Variants in DPY19L2 observed in about 807,000 individuals in gnomAD.
DPY19L2 encodes dpy-19 like 2.
Under a neutral mutation model 97.9 loss-of-function variants are expected in DPY19L2, and 34 were observed. That is an observed-to-expected ratio of 0.35 (90% CI 0.26 to 0.46). The LOEUF (loss-of-function observed/expected upper bound fraction) is 0.46, where lower values mean the gene tolerates loss of function less well. Ranked by LOEUF, DPY19L2 falls within the 20% of genes least tolerant of loss-of-function variation. The pLI is 1.00. For synonymous variants in DPY19L2, 230 were observed against 307.9 expected (o/e 0.75, Z 2.65); for missense variants, 623 against 911.4 (o/e 0.68, Z 4.07).
intron 18 of DPY19L2, among the ~76,000 whole-genome samples, chr12:63,582,041 T>C (rs2137372317): frequency 6.6e-6 from 1 of 151,528 alleles, no homozygotes; most frequent in South Asian, 2.1e-4. Flanking sequence ...CCTCAAGTGA[T>C]CTGCCCATCT....
chr12:63,641,441 A>C (rs993446499), intron 6 of DPY19L2, among the ~76,000 whole-genome samples: 2 of 152,120 alleles, frequency 1.3e-5, no homozygotes, highest in African/African-American at 4.8e-5. Flanking sequence ...CCAGCCTCCA[A>C]GATAAGAATC....
chr12:63,631,257 CA>C, intron 6 of DPY19L2, among the ~76,000 whole-genome samples: 1 of 152,008 alleles, frequency 6.6e-6, no homozygotes, highest in South Asian at 2.1e-4. Context: ...AAAACCCCTT[CA>C]AAAAATCAAT....
chr12:63,567,132 A>G (rs1877881557), intron 21 of DPY19L2, among the ~76,000 whole-genome samples: 1 of 151,982 alleles, frequency 6.6e-6, no homozygotes, highest in African/African-American at 2.4e-5. Flanking sequence ...TGTATCTCTT[A>G]ACCAACCTCT....
rs1884932306 is a variant in DPY19L2 at position 63,600,355 on chromosome 12, G to A, written c.1310C>T (p.Thr437Ile). 1 of 1,607,744 alleles carries A rather than the reference G, an allele frequency of 6.2e-7. No homozygotes were observed. ...AGATGTCAGAAATTTCAAAATGATT[G>A]TTCCACACCACCAGGCACTACCTTG... Reference protein sequence around the residue: ...LIQGSAWWCGTIILKFLTSKI... With the variant: ...LIQGSAWWCGIIILKFLTSKI... The change falls in exon 13 of 22, where the codon ACA (threonine) becomes ATA (isoleucine). Residue 437 changes from threonine (T) to isoleucine (I), a missense_variant. By Grantham distance (89) the Thr-to-Ile change is moderately conservative (BLOSUM62 -1). Transcript: ENST00000324472.
chr12:63,625,742 T>A lies in DPY19L2; in HGVS notation c.861+727A>T, dbSNP rs148503300. Among the ~76,000 whole-genome samples, 893 of 152,250 alleles carry A rather than the reference T, an allele frequency of 5.9e-3. 6 individuals carry two copies. The highest frequency in any genetic ancestry group is 0.021 in the Middle Eastern group (6 of 292). ...CAGTGTCTTAACTGTGTCCCTGCTG[T>A]CAGGCCTGAGGCCTCTTTCATTGTT... On this transcript the variant is annotated intron_variant, in intron 7 of 21. Transcript: ENST00000324472.
intron 12 of DPY19L2, among the ~76,000 whole-genome samples, chr12:63,601,337 T>TTGC (rs1457832974): frequency 1.3e-5 from 2 of 151,952 alleles, no homozygotes; most frequent in Non-Finnish European, 2.9e-5. Context: ...GGCTTCTGTG[T>TTGC]TGTTGTTGTT....
chr12:63,661,586 TAA>T, intron 3 of DPY19L2, 105 bp from the exon 4 acceptor site: 1 of 839,624 alleles, frequency 1.2e-6, no homozygotes, highest in Non-Finnish European at 1.7e-6. Flanking sequence ...AAAAGGTTAA[TAA>T]TAAGACTTCC....
In DPY19L2 at chr12:63,601,409, G is replaced by A. The variant is rs567027354; in HGVS notation, c.1279-1023C>T. On this transcript the variant is annotated intron_variant, in intron 12 of 21. Transcript: ENST00000324472. ...AATTGTGTACTTCTGGTTAGCCTGG[G>A]GAAAGTTACAGCAACCTAAATTCAA... Among the ~76,000 whole-genome samples, 17 of 152,116 alleles carry A rather than the reference G, an allele frequency of 1.1e-4. No individual in the cohort carries two copies. In the South Asian group the frequency reaches 3.3e-3, roughly 30 times the overall value.
intron 6 of DPY19L2, among the ~76,000 whole-genome samples, chr12:63,628,534 G>T (rs781286899): frequency 4.5e-4 from 69 of 152,144 alleles, no homozygotes; most frequent in Non-Finnish European, 4.7e-4. Context: ...CACCCACCAT[G>T]GCCAAGGCTT....
At chr12:63,603,017 A>G (rs1208560539) in intron 12 of DPY19L2, among the ~76,000 whole-genome samples, 2 of 152,192 alleles carry the variant, frequency 1.3e-5, no homozygotes, top group Non-Finnish European at 2.9e-5. Context: ...AGGGAAGACA[A>G]ACAAAAACAG....
At chr12:63,667,940 C>T (rs1325436169) in intron 1 of DPY19L2, 117 bp downstream of exon 1, 28 of 1,240,344 alleles carry the variant, frequency 2.3e-5, no homozygotes, top group Non-Finnish European at 2.6e-5. Flanking sequence ...CTACTCGGAC[C>T]TTGCTATTAT....
chr12:63,563,655 T>G (rs1187978139), intron 21 of DPY19L2, among the ~76,000 whole-genome samples: 1 of 152,208 alleles, frequency 6.6e-6, no homozygotes, highest in Non-Finnish European at 1.5e-5. Flanking sequence ...ATTGCTAGAT[T>G]CATTTGTTGC....
intron 16 of DPY19L2, among the ~76,000 whole-genome samples, chr12:63,587,578 T>TATTATC (rs1467757606): frequency 6.8e-6 from 1 of 146,970 alleles, no homozygotes; most frequent in East Asian, 2.0e-4. Flanking sequence ...TTATTATTAT[T>TATTATC]ATTATTATTA....
intron 21 of DPY19L2, among the ~76,000 whole-genome samples, chr12:63,562,998 T>C (rs1206229743): frequency 6.6e-6 from 1 of 152,138 alleles, no homozygotes; most frequent in Non-Finnish European, 1.5e-5. Context: ...GGTTTCGCCA[T>C]GTTGGCCAGG....
chr12:63,580,847 A>G lies in DPY19L2; in HGVS notation c.1726-11T>C. ...AAGCCAGCCAAAGAGCTGAAACGAA[A>G]GAAACCGTTTATTTCTAGTTCTTAT... On this transcript the variant is annotated splice_polypyrimidine_tract_variant and intron_variant, in intron 18 of 21. Coordinates refer to ENST00000324472, the MANE Select transcript of DPY19L2 (RefSeq NM_173812.5). 1.4e-5 allele frequency: 22 copies of G among 1,609,564 alleles called. No individual in the cohort carries two copies. The highest frequency in any genetic ancestry group is 1.9e-5 in the Non-Finnish European group (22 of 1,178,370).
Position 63,574,662 on chromosome 12 carries a change from T to G in DPY19L2, c.1901-3805A>C, listed in dbSNP as rs917569005. The stretch of plus-strand genomic sequence containing the variant: ...CATAAAAGAGCAGGAATAGCCATAC[T>G]TACATCAGACACAATAGCTTACAAG... On this transcript the variant is annotated intron_variant, in intron 19 of 21. Transcript: ENST00000324472. Among the ~76,000 whole-genome samples, 5 of 152,156 alleles carry G rather than the reference T, an allele frequency of 3.3e-5. No homozygotes were observed. In the South Asian group the frequency reaches 6.2e-4, roughly 19 times the overall value.
chr12:63,570,333 G>A (rs1303246522), intron 20 of DPY19L2, among the ~76,000 whole-genome samples: 2 of 152,118 alleles, frequency 1.3e-5, no homozygotes, highest in African/African-American at 4.8e-5. Flanking sequence ...CAAAAAGCTA[G>A]TCATTGGCCA....
chr12:63,651,390 G>A (rs1894206362), intron 4 of DPY19L2, among the ~76,000 whole-genome samples: 1 of 151,958 alleles, frequency 6.6e-6, no homozygotes, highest in African/African-American at 2.4e-5. Context: ...ACAAAACAAA[G>A]ATTGACAAAT....
At chr12:63,632,976 A>G (rs1200187576) in intron 6 of DPY19L2, among the ~76,000 whole-genome samples, 1 of 152,156 alleles carries the variant, frequency 6.6e-6, no homozygotes, top group South Asian at 2.1e-4. Context: ...ACGATTCCCT[A>G]TTTAATAAAT....
Sources: allele counts gnomAD v4.1 joint callset (sites outside exome capture counted in the v4.1 genomes callset), GRCh38; gene constraint gnomAD v4.1.1; transcripts MANE v1.5; gene names NCBI Gene and HGNC (gene_info 2026-07-23, HGNC 2026-07-21).